METAP2: variants seen among roughly 807,000 people sequenced by gnomAD.
METAP2 encodes methionyl aminopeptidase 2.
METAP2 carries 25 observed loss-of-function variants against 59.4 expected under a neutral mutation model. The ratio of observed to expected loss-of-function variants is 0.42; its 90% CI spans 0.31 to 0.59. The LOEUF (loss-of-function observed/expected upper bound fraction) is 0.59, where lower values mean the gene tolerates loss of function less well. METAP2 is among the 20% of genes least tolerant of loss of function. The pLI is 0.16. For synonymous variants in METAP2, 214 were observed against 194.1 expected, an observed-to-expected ratio of 1.10 and a Z score of -0.85; for missense variants, 366 against 581.2, an observed-to-expected ratio of 0.63 and a Z score of 3.81.
intron 6 of METAP2, among the ~76,000 whole-genome samples, chr12:95,495,383 GAGGTTTATTACCCTTTGTATCA>G (rs1483953717): frequency 6.6e-6 from 1 of 152,112 alleles, no homozygotes; most frequent in Non-Finnish European, 1.5e-5. Flanking sequence ...TTGGGTAGTT[GAGGTTTATTACCCTTTGTATCA>G]AGGCATGAAA....
At chr12:95,505,924 G>A (rs1488415378) in intron 8 of METAP2, among the ~76,000 whole-genome samples, 3 of 150,892 alleles carry the variant, frequency 2.0e-5, no homozygotes, top group Admixed American at 6.6e-5. Context: ...GTAAAACCCC[G>A]TCTCTACTAA....
intron 2 of METAP2, among the ~76,000 whole-genome samples, chr12:95,481,625 T>TTGAATAAGGTAATTAGCCTCAAAAGGA (rs1265525624): frequency 2.0e-5 from 3 of 152,182 alleles, no homozygotes; most frequent in Non-Finnish European, 4.4e-5. Flanking sequence ...ACATTGGACA[T>TTGAATAAGGTAATTAGCCTCAAAAGGA]TGAATAAGGT....
chr12:95,474,471 C>A, intron 1 of METAP2, 141 bp downstream of exon 1: 3 of 834,230 alleles, frequency 3.6e-6, no homozygotes, highest in Non-Finnish European at 5.5e-6. Context: ...CAAAGCCGGG[C>A]TATAGATTCC....
At chr12:95,482,367 C>T (rs1042224399) in intron 2 of METAP2, among the ~76,000 whole-genome samples, 3 of 152,176 alleles carry the variant, frequency 2.0e-5, no homozygotes, top group African/African-American at 7.2e-5. Flanking sequence ...CCTGCCTCAG[C>T]CTCCCAAAGT....
intron 4 of METAP2, among the ~76,000 whole-genome samples, chr12:95,490,932 A>G (rs2076233319): frequency 6.6e-6 from 1 of 152,146 alleles, no homozygotes; most frequent in Admixed American, 6.5e-5. Flanking sequence ...GGCTTAGATT[A>G]GATTTAGGTT....
At chr12:95,495,926 A>T (rs899309798) in intron 6 of METAP2, 78 bp from the exon 7 acceptor site, 2 of 850,064 alleles carry the variant, frequency 2.4e-6, no homozygotes, top group African/African-American at 3.4e-5. Context: ...AACTAGCAAG[A>T]TTAATAGATT....
intron 7 of METAP2, among the ~76,000 whole-genome samples, chr12:95,500,151 GTTT>G (rs202185818): frequency 1.2e-4 from 17 of 145,640 alleles, no homozygotes; most frequent in Non-Finnish European, 6.1e-5. Flanking sequence ...TAATTCCTAA[GTTT>G]TTTTTTTTTA....
At chr12:95,494,929 A>G in intron 5 of METAP2, 28 bp from the exon 6 acceptor site, 1 of 1,590,018 alleles carries the variant, frequency 6.3e-7, no homozygotes, top group Non-Finnish European at 8.6e-7. Flanking sequence ...GTAAAAGTAA[A>G]CAAGTTCCCT....
intron 4 of METAP2, among the ~76,000 whole-genome samples, chr12:95,492,150 G>GTGTGTGTGTGTGTA (rs2076242856): frequency 6.6e-6 from 1 of 151,656 alleles, no homozygotes; most frequent in South Asian, 2.1e-4. Flanking sequence ...GTGTGTGTGT[G>GTGTGTGTGTGTGTA]TGTGTATGTA....
intron 7 of METAP2, among the ~76,000 whole-genome samples, chr12:95,498,918 G>C (rs978356281): frequency 6.6e-6 from 1 of 151,938 alleles, no homozygotes; most frequent in African/African-American, 2.4e-5. Flanking sequence ...AGGAGGCTCT[G>C]GTGGGAGGAT....
At chr12:95,482,960 G>A (rs2076169734) in intron 2 of METAP2, among the ~76,000 whole-genome samples, 1 of 152,086 alleles carries the variant, frequency 6.6e-6, no homozygotes, top group Non-Finnish European at 1.5e-5. Context: ...TGTTGCCCAA[G>A]CTGGATTCCA....
At chr12:95,494,343 C>T in intron 5 of METAP2, 126 bp downstream of exon 5, 1 of 929,020 alleles carries the variant, frequency 1.1e-6, no homozygotes, top group Non-Finnish European at 1.6e-6. Context: ...GTAGAAATGC[C>T]TTCTAGATTA....
Position 95,494,224 on chromosome 12 carries a change from G to A in METAP2, c.590+7G>A. 6.2e-7 allele frequency: 1 copy of A among 1,607,538 alleles called. No individual in the cohort carries two copies. Among genetic ancestry groups the A allele is most frequent in the Admixed American group, 1.7e-5 (1 of 59,458 alleles). ...TGACAATGATAGAAATCTGGTAAAA[G>A]GAATACTTCTTCGTAAGAACATGAT... On this transcript the variant is annotated splice_region_variant and intron_variant, in intron 5 of 10. Coordinates refer to ENST00000323666, the MANE Select transcript of METAP2 (RefSeq NM_006838.4).
At chr12:95,505,492 A>C (rs1040788867) in intron 8 of METAP2, among the ~76,000 whole-genome samples, 1 of 147,192 alleles carries the variant, frequency 6.8e-6, no homozygotes, top group Non-Finnish European at 1.5e-5. Flanking sequence ...GCCCGGCCAA[A>C]TTTTTTTTTT....
chr12:95,513,393 A>AAC (rs144087570), intron 10 of METAP2, among the ~76,000 whole-genome samples: 27 of 151,984 alleles, frequency 1.8e-4, no homozygotes, highest in East Asian at 1.6e-3. Flanking sequence ...TGGGGAATAT[A>AAC]ACACACACAC....
chr12:95,493,776 T>A (rs1397904615), intron 4 of METAP2, among the ~76,000 whole-genome samples: 1 of 152,250 alleles, frequency 6.6e-6, no homozygotes, highest in Non-Finnish European at 1.5e-5. Flanking sequence ...CTTTTCTGAT[T>A]GTTTTATTAT....
chr12:95,485,275 A>T (rs780306410), intron 3 of METAP2, among the ~76,000 whole-genome samples: 1 of 152,142 alleles, frequency 6.6e-6, no homozygotes, highest in Non-Finnish European at 1.5e-5. Context: ...CTGATTACAA[A>T]TTGTGTATTT....
At chr12:95,503,149 A>G (rs77172495) in intron 7 of METAP2, among the ~76,000 whole-genome samples, 6,825 of 151,966 alleles carry the variant, frequency 0.045, 214 homozygotes, top group Non-Finnish European at 0.067. Context: ...AACACTGCCT[A>G]TTTCAATGTG....
At chr12:95,513,001 C>A in intron 10 of METAP2, 85 bp downstream of exon 10, 4 of 706,900 alleles carry the variant, frequency 5.7e-6, no homozygotes, top group East Asian at 2.9e-5. Context: ...GGCATACATA[C>A]AAAATAGTAT....
Sources: gnomAD v4.1 joint callset for allele counts (sites outside exome capture counted in the v4.1 genomes callset) on GRCh38, gnomAD v4.1.1 for gene constraint, MANE v1.5 for transcripts, NCBI Gene and HGNC (gene_info 2026-07-23, HGNC 2026-07-21) for gene names.